Variants in ATP2C2 observed in about 807,000 individuals in gnomAD.
ATP2C2 encodes ATPase secretory pathway Ca2+ transporting 2, also known as calcium-transporting ATPase type 2C member 2.
Under a neutral mutation model 110.8 loss-of-function variants are expected in ATP2C2, and 171 were observed. The observed-to-expected ratio is 1.54, with a 90% CI of 1.36 to 1.75. ATP2C2 has a LOEUF of 1.75. Ranked by LOEUF, ATP2C2 falls within the 40% of genes most tolerant of loss-of-function variation. The pLI is 0.00. For synonymous variants in ATP2C2, 804 were observed against 508.4 expected (o/e 1.58, Z -7.82); for missense variants, 1,963 against 1,235.0 (o/e 1.59, Z -8.84).
chr16:84,450,837 C>T (rs73247820), intron 17 of ATP2C2, among the ~76,000 whole-genome samples: 3,453 of 152,046 alleles, frequency 0.023, 126 homozygotes, highest in African/African-American at 0.079. Flanking sequence ...ACCTCTGTAC[C>T]GCGCCCCCAA....
At chr16:84,391,058 G>C (rs1682686443) in intron 1 of ATP2C2, among the ~76,000 whole-genome samples, 1 of 140,056 alleles carries the variant, frequency 7.1e-6, no homozygotes, top group African/African-American at 2.7e-5. Context: ...AGGTTGCAGT[G>C]AGCCGAGATC....
At chr16:84,392,444 T>C (rs1207118122) in intron 1 of ATP2C2, among the ~76,000 whole-genome samples, 1 of 152,144 alleles carries the variant, frequency 6.6e-6, no homozygotes, top group African/African-American at 2.4e-5. Context: ...GATGGTTCTC[T>C]GCGTCTGCAC....
chr16:84,448,382 C>T lies in ATP2C2; in HGVS notation c.1504-151C>T, dbSNP rs1024413364. On this transcript the variant is annotated intron_variant, in intron 16 of 26. Coordinates refer to ENST00000262429, the MANE Select transcript of ATP2C2 (RefSeq NM_014861.4). The stretch of plus-strand genomic sequence containing the variant: ...GATTCTAGAACTTCGCGAACCTGTC[C>T]AGCACCTGTGAACAGCACCAGCCTA... 8 of 976,404 alleles carry T rather than the reference C, an allele frequency of 8.2e-6. No individual in the cohort carries two copies. In the African/African-American group the frequency reaches 1.0e-4, roughly 12 times the overall value. 60.5% of individuals were successfully genotyped at this position (976,404 alleles called of 1,614,324 possible). A position where few individuals can be genotyped will look rare whatever the true frequency, so the allele number is the denominator to read the frequency against.
chr16:84,421,925 G>T (rs950355670), intron 7 of ATP2C2, among the ~76,000 whole-genome samples: 19 of 152,080 alleles, frequency 1.2e-4, no homozygotes, highest in African/African-American at 4.6e-4. Context: ...CTTTGCCAGG[G>T]TGTGTGAGTG....
chr16:84,459,929 C>T (rs1016015185), intron 23 of ATP2C2: 2 of 275,872 alleles, frequency 7.2e-6, no homozygotes, highest in Non-Finnish European at 1.4e-5. Flanking sequence ...CTTAATATCC[C>T]CTTCAACAAG....
In ATP2C2 at chr16:84,448,528, C is replaced by G; in HGVS notation, c.1504-5C>G. The stretch of plus-strand genomic sequence containing the variant: ...AGTGGATTTCTTCCCTTTGTCTTTT[C>G]TAAGGATCAGGAAGACATTTACTTC... On this transcript the variant is annotated splice_region_variant and splice_polypyrimidine_tract_variant and intron_variant, in intron 16 of 26. Transcript: ENST00000262429. 1 of 1,604,606 alleles carries G rather than the reference C, an allele frequency of 6.2e-7. No individual in the cohort carries two copies. Among genetic ancestry groups the G allele is most frequent in the Non-Finnish European group, 8.5e-7 (1 of 1,173,240 alleles).
At chr16:84,436,755 C>T (rs886922701) in intron 11 of ATP2C2, among the ~76,000 whole-genome samples, 5 of 129,908 alleles carry the variant, frequency 3.8e-5, no homozygotes, top group South Asian at 2.6e-4. Flanking sequence ...CCATCGCCAG[C>T]GAAGGCTGTT....
intron 1 of ATP2C2, among the ~76,000 whole-genome samples, chr16:84,393,610 G>T (rs1395218376): frequency 6.6e-6 from 1 of 152,160 alleles, no homozygotes; most frequent in East Asian, 1.9e-4. Context: ...AGGAGCAGGT[G>T]TATTTCCAAT....
intron 1 of ATP2C2, among the ~76,000 whole-genome samples, chr16:84,395,795 T>C (rs1344521386): frequency 6.6e-6 from 1 of 151,376 alleles, no homozygotes; most frequent in Admixed American, 6.5e-5. Context: ...CCACTGTGTC[T>C]GGCCCTTTTC....
chr16:84,440,081 G>A lies in ATP2C2; in HGVS notation c.1209+557G>A, dbSNP rs183244019. Among the ~76,000 whole-genome samples the A allele has an allele frequency of 3.3e-3, 498 of 152,282 alleles. 1 individual carries two copies. The highest frequency in any genetic ancestry group is 8.7e-3 in the African/African-American group (360 of 41,548). On this transcript the variant is annotated intron_variant, in intron 13 of 26. Coordinates refer to ENST00000262429, the MANE Select transcript of ATP2C2 (RefSeq NM_014861.4). Reference sequence around the variant, plus strand: ...TCAAACTCCTGACCTCAGGTGATCCGCCCGCCTTGGCCTCCCAGAGTGCTG... The same window carrying A: ...TCAAACTCCTGACCTCAGGTGATCCACCCGCCTTGGCCTCCCAGAGTGCTG...
chr16:84,406,439 GC>G, intron 3 of ATP2C2: 1 of 225,470 alleles, frequency 4.4e-6, no homozygotes, highest in Non-Finnish European at 7.4e-6. Context: ...TCATTCTCTG[GC>G]CCCTGGGCTG....
Position 84,368,623 on chromosome 16 carries a change from A to C in ATP2C2, c.8A>C (p.Glu3Ala). 6.4e-7 allele frequency: 1 copy of C among 1,559,206 alleles called. No individual in the cohort carries two copies. Among genetic ancestry groups the C allele is most frequent in the Non-Finnish European group, 8.7e-7 (1 of 1,152,916 alleles). Residue 3 changes from glutamate to alanine, a missense_variant, in exon 1 of 27, where the codon GAG (glutamate) becomes GCG (alanine). Transcript: ENST00000262429. MV[E>A]GRVSEFLKKL... ...CGCCTGCGCCCGCTCACCATGGTCG[A>C]GGGACGCGTCTCCGAGTTCCTGAAG...
intron 24 of ATP2C2, chr16:84,461,474 C>T (rs1197955102): frequency 3.0e-5 from 18 of 590,402 alleles, no homozygotes; most frequent in East Asian, 8.5e-5. Flanking sequence ...AGTGGTGTTT[C>T]CTCCACCCAT....
intron 6 of ATP2C2, among the ~76,000 whole-genome samples, chr16:84,412,509 T>G (rs200449652): frequency 1.5e-5 from 1 of 65,396 alleles, no homozygotes; most frequent in Admixed American, 2.0e-4. Context: ...TATATGTGTC[T>G]GTGTGTGTCT....
intron 11 of ATP2C2, 47 bp downstream of exon 11, chr16:84,425,848 G>T: frequency 6.3e-7 from 1 of 1,594,156 alleles, no homozygotes. Context: ...TGGTCAATGG[G>T]CTCTGAGCCC....
At chr16:84,402,161 C>G (rs924256354) in intron 2 of ATP2C2, among the ~76,000 whole-genome samples, 1 of 152,106 alleles carries the variant, frequency 6.6e-6, no homozygotes, top group East Asian at 1.9e-4. Context: ...TGATCTTTAT[C>G]ATTTGAGTTT....
In ATP2C2 at chr16:84,462,347, C is replaced by T. The variant is rs1283005800; in HGVS notation, c.2722+218C>T. ...GAAACCCCTAGGAAGAGGCCTGTCA[C>T]TCAAGAGTAGTAGGGTCTGGGGCCC... is the stretch of plus-strand genomic sequence containing the variant. On this transcript the variant is annotated intron_variant, in intron 26 of 26. Transcript: ENST00000262429. 12 of 595,638 alleles carry T rather than the reference C, an allele frequency of 2.0e-5. 1 individual carries two copies. The highest frequency in any genetic ancestry group is 1.2e-4 in the Admixed American group (4 of 32,386). The allele number at this position is 595,638 out of a possible 1,614,324, so 36.9% of individuals were successfully genotyped here.
At chr16:84,422,326 G>T in intron 7 of ATP2C2, 64 bp from the exon 8 acceptor site, 1 of 1,549,666 alleles carries the variant, frequency 6.5e-7, no homozygotes, top group Non-Finnish European at 8.8e-7. Flanking sequence ...ACCATTTTGT[G>T]CTTTTAACAC....
chr16:84,453,536 G>C (rs1030375845), intron 20 of ATP2C2, among the ~76,000 whole-genome samples, 165 bp downstream of exon 20: 1 of 152,158 alleles, frequency 6.6e-6, no homozygotes, highest in Non-Finnish European at 1.5e-5. Flanking sequence ...CATAGCCAGG[G>C]GGAGGGGAGG....
Sources: allele counts gnomAD v4.1 joint callset (sites outside exome capture counted in the v4.1 genomes callset), GRCh38; gene constraint gnomAD v4.1.1; transcripts MANE v1.5; gene names NCBI Gene and HGNC (gene_info 2026-07-23, HGNC 2026-07-21).